Variants in PRKG1 observed in about 807,000 individuals in gnomAD.
PRKG1 encodes the protein protein kinase cGMP-dependent 1.
In PRKG1, 35 loss-of-function variants were observed where a neutral mutation model predicts 88.1. The ratio of observed to expected loss-of-function variants is 0.40; its 90% CI spans 0.30 to 0.53. The LOEUF is 0.53. PRKG1 is among the 20% of genes least tolerant of loss of function. The pLI is 0.59. For synonymous variants in PRKG1, 303 were observed against 292.5 expected, an observed-to-expected ratio of 1.04 and a Z score of -0.37; for missense variants, 540 against 839.8, an observed-to-expected ratio of 0.64 and a Z score of 4.41.
At chr10:51,246,721 G>T (rs1028753482) in intron 2 of PRKG1, among the ~76,000 whole-genome samples, 1 of 151,996 alleles carries the variant, frequency 6.6e-6, no homozygotes, top group African/African-American at 2.4e-5. Context: ...AAAGAAACAT[G>T]ATGATAAATG....
intron 4 of PRKG1, among the ~76,000 whole-genome samples, chr10:51,843,094 T>G (rs1228783167): frequency 8.3e-6 from 1 of 120,572 alleles, no homozygotes; most frequent in African/African-American, 3.6e-5. Context: ...AAAATTATTC[T>G]TTTTTTTTTT....
intron 2 of PRKG1, among the ~76,000 whole-genome samples, chr10:51,157,615 A>G (rs541369733): frequency 3.3e-5 from 5 of 151,978 alleles, no homozygotes; most frequent in African/African-American, 9.6e-5. Flanking sequence ...ATATTCTAGT[A>G]TTGGAAATGT....
chr10:51,075,057 G>A (rs1238156752), intron 1 of PRKG1, among the ~76,000 whole-genome samples, 156 bp downstream of exon 1: 1 of 152,188 alleles, frequency 6.6e-6, no homozygotes, highest in Non-Finnish European at 1.5e-5. Flanking sequence ...GCGGGGCTGT[G>A]CACGTTTCTC....
intron 1 of PRKG1, among the ~76,000 whole-genome samples, chr10:51,150,700 C>T (rs765169567): frequency 2.0e-4 from 30 of 152,048 alleles, no homozygotes; most frequent in Non-Finnish European, 3.1e-4. Flanking sequence ...CTTCAGAGAC[C>T]TGAAATTAAA....
intron 2 of PRKG1, among the ~76,000 whole-genome samples, chr10:51,431,878 A>G (rs1838780066): frequency 6.6e-6 from 1 of 152,194 alleles, no homozygotes; most frequent in South Asian, 2.1e-4. Flanking sequence ...GAAACAAAAC[A>G]AAACAAAGCA....
chr10:51,523,823 T>C (rs899117082), intron 3 of PRKG1, among the ~76,000 whole-genome samples: 12 of 152,340 alleles, frequency 7.9e-5, no homozygotes, highest in African/African-American at 2.6e-4. Context: ...AATTGTCTTC[T>C]AATAATGATT....
intron 7 of PRKG1, among the ~76,000 whole-genome samples, chr10:52,123,206 A>T (rs1468435814): frequency 1.3e-5 from 2 of 152,202 alleles, no homozygotes; most frequent in African/African-American, 4.8e-5. Flanking sequence ...GTGAAAATTG[A>T]ATTCTTCCAA....
chr10:51,405,570 T>C lies in PRKG1; in HGVS notation c.479-62153T>C, dbSNP rs543966378. On this transcript the variant is annotated intron_variant, in intron 2 of 17. Transcript: ENST00000373980. ...AACTGGATTAAAACCATATCGGAAA[T>C]TTGACCCTTAGACATTTACGTCTGG... Among the ~76,000 whole-genome samples, 35 of 152,290 alleles carry C rather than the reference T, an allele frequency of 2.3e-4. No individual in the cohort carries two copies. The South Asian group carries it at 6.8e-3, about 30-fold the overall frequency.
At chr10:51,787,735 C>T (rs1297606071) in intron 3 of PRKG1, among the ~76,000 whole-genome samples, 1 of 152,168 alleles carries the variant, frequency 6.6e-6, no homozygotes, top group Non-Finnish European at 1.5e-5. Flanking sequence ...TTATTAAAGT[C>T]AGAATTTGGG....
intron 2 of PRKG1, among the ~76,000 whole-genome samples, chr10:51,434,970 GA>G (rs1243932150): frequency 2.0e-5 from 3 of 152,148 alleles, no homozygotes; most frequent in South Asian, 2.1e-4. Context: ...ATTTCAGCAT[GA>G]AATTGTAATA....
chr10:52,272,917 G>A (rs1435744063), intron 12 of PRKG1, among the ~76,000 whole-genome samples: 1 of 151,942 alleles, frequency 6.6e-6, no homozygotes, highest in Non-Finnish European at 1.5e-5. Flanking sequence ...TTTTTCCAAA[G>A]TAATTTTTCC....
At chr10:51,336,088 C>T (rs1021221068) in intron 2 of PRKG1, among the ~76,000 whole-genome samples, 9 of 152,292 alleles carry the variant, frequency 5.9e-5, no homozygotes, top group African/African-American at 2.2e-4. Context: ...CATGGTGGCT[C>T]ATGCCTGTAA....
At chr10:51,467,416 A>C (rs185967734) in intron 2 of PRKG1, among the ~76,000 whole-genome samples, 1 of 152,126 alleles carries the variant, frequency 6.6e-6, no homozygotes, top group East Asian at 1.9e-4. Flanking sequence ...TTACGTTAAA[A>C]TTGGAATTAC....
chr10:51,947,828 T>C (rs1843086516), intron 5 of PRKG1, among the ~76,000 whole-genome samples: 1 of 150,616 alleles, frequency 6.6e-6, no homozygotes, highest in South Asian at 2.1e-4. Flanking sequence ...AGAGGGAGAG[T>C]CTGAACTTCA....
chr10:52,209,290 A>G (rs967025015), intron 9 of PRKG1, among the ~76,000 whole-genome samples: 1 of 152,188 alleles, frequency 6.6e-6, no homozygotes, highest in Non-Finnish European at 1.5e-5. Flanking sequence ...AACTTTATTT[A>G]TGGAGCCTGA....
At chr10:51,725,415 G>T (rs1359651781) in intron 3 of PRKG1, among the ~76,000 whole-genome samples, 1 of 150,500 alleles carries the variant, frequency 6.6e-6, no homozygotes, top group Non-Finnish European at 1.5e-5. Context: ...GCATGGTAGG[G>T]TAAAAAGACA....
At chr10:52,184,394 A>G (rs1353883200) in intron 9 of PRKG1, among the ~76,000 whole-genome samples, 3 of 152,266 alleles carry the variant, frequency 2.0e-5, no homozygotes, top group South Asian at 2.1e-4. Context: ...ATATTATTTA[A>G]TTTAGAGGCT....
At chr10:52,118,950 T>A (rs1268185255) in intron 7 of PRKG1, among the ~76,000 whole-genome samples, 1 of 152,146 alleles carries the variant, frequency 6.6e-6, no homozygotes, top group Non-Finnish European at 1.5e-5. Flanking sequence ...CAATTTTAAT[T>A]TTCATTTATG....
At chr10:52,192,855 T>C (rs1398716466) in intron 9 of PRKG1, among the ~76,000 whole-genome samples, 1 of 152,184 alleles carries the variant, frequency 6.6e-6, no homozygotes, top group Non-Finnish European at 1.5e-5. Flanking sequence ...TTAAAAAACA[T>C]AGTAAGCTGT....
Sources: allele counts gnomAD v4.1 joint callset (sites outside exome capture counted in the v4.1 genomes callset), GRCh38; gene constraint gnomAD v4.1.1; transcripts MANE v1.5; gene names NCBI Gene and HGNC (gene_info 2026-07-23, HGNC 2026-07-21).